DNAH5: variants seen among roughly 807,000 people sequenced by gnomAD.
DNAH5 encodes axonemal beta dynein heavy chain 5.
Under a neutral mutation model 518.2 loss-of-function variants are expected in DNAH5, and 372 were observed. The ratio of observed to expected loss-of-function variants is 0.72; its 90% confidence interval spans 0.66 to 0.78. The LOEUF is 0.78. DNAH5 is among the 30% of genes least tolerant of loss of function. DNAH5 has a pLI of 0.00. For missense variants in DNAH5, 5,523 were observed against 5,687.0 expected, an observed-to-expected ratio of 0.97 and a Z score of 0.93; for synonymous variants, 2,039 against 2,025.9, an observed-to-expected ratio of 1.01 and a Z score of -0.17.
chr5:13,710,460 C>A (rs1291619511), intron 75 of DNAH5, among the ~76,000 whole-genome samples: 1 of 151,880 alleles, frequency 6.6e-6, no homozygotes, highest in Non-Finnish European at 1.5e-5. Flanking sequence ...AAACTCAAAC[C>A]CAGCAGAAGA....
At chr5:13,994,715 C>T (rs973859671) in intron 1 of DNAH5, among the ~76,000 whole-genome samples, 2 of 152,266 alleles carry the variant, frequency 1.3e-5, no homozygotes, top group Admixed American at 1.3e-4. Context: ...AGATGAATGA[C>T]CTCAATTTGA....
intron 1 of DNAH5, among the ~76,000 whole-genome samples, chr5:13,974,300 T>C (rs1782085088): frequency 6.6e-6 from 1 of 151,956 alleles, no homozygotes; most frequent in South Asian, 2.1e-4. Flanking sequence ...ATTTTTTGTA[T>C]TTGTTGTAGA....
Position 13,839,529 on chromosome 5 carries a change from C to G in DNAH5, c.5710-1G>C. 1 of 1,612,806 alleles carries G rather than the reference C, an allele frequency of 6.2e-7. No individual in the cohort carries two copies. Among genetic ancestry groups the G allele is most frequent in the Non-Finnish European group, 8.5e-7 (1 of 1,179,100 alleles). ...TGGGACTCTTGATATGCATATGACA[C>G]TGAAATTCAAAAGGTATATGTTAGA... On this transcript the variant is annotated splice_acceptor_variant, in intron 34 of 78. Coordinates refer to ENST00000265104, the MANE Select transcript of DNAH5 (RefSeq NM_001369.3). LOFTEE classifies it high-confidence loss of function.
chr5:13,839,592 T>A, intron 34 of DNAH5, 64 bp from the exon 35 acceptor site: 1 of 1,346,550 alleles, frequency 7.4e-7, no homozygotes, highest in Non-Finnish European at 1.1e-6. Context: ...TACACGTTAT[T>A]AGCATTCATG....
chr5:13,692,872 G>T (rs1740886133), intron 78 of DNAH5, among the ~76,000 whole-genome samples: 1 of 152,186 alleles, frequency 6.6e-6, no homozygotes, highest in South Asian at 2.1e-4. Context: ...CCCATACTCA[G>T]AGACAGGTCC....
At chr5:13,975,711 C>T (rs1389364439) in intron 1 of DNAH5, among the ~76,000 whole-genome samples, 1 of 152,214 alleles carries the variant, frequency 6.6e-6, no homozygotes, top group East Asian at 1.9e-4. Flanking sequence ...GATTGGCTCA[C>T]TCAACATCCA....
rs560984049 is a variant in DNAH5, at chr5:13,795,363, G to A, written c.7888-1305C>T. On this transcript the variant is annotated intron_variant, in intron 47 of 78. Coordinates refer to ENST00000265104, the MANE Select transcript of DNAH5 (RefSeq NM_001369.3). ...ATAGATGCAATAAAAAATGATAAAGGGGATATCACCACCGATCCCACAGAA... is the reference window on the plus strand; with the variant it reads ...ATAGATGCAATAAAAAATGATAAAGAGGATATCACCACCGATCCCACAGAA... Among the ~76,000 whole-genome samples the A allele has an allele frequency of 4.6e-5, 7 of 151,978 alleles. No homozygotes were observed. In the East Asian group the frequency reaches 1.4e-3, roughly 29 times the overall value.
At chr5:14,007,637 C>T (rs1306276066) in intron 1 of DNAH5, among the ~76,000 whole-genome samples, 1 of 152,194 alleles carries the variant, frequency 6.6e-6, no homozygotes, top group African/African-American at 2.4e-5. Flanking sequence ...ACAGATTCCT[C>T]ATAAGAATCT....
chr5:13,717,355 T>G lies in DNAH5; in HGVS notation c.12665A>C (p.Gln4222Pro). Residue 4222 changes from glutamine to proline, a missense_variant, in exon 73 of 79, where the codon CAG (glutamine) becomes CCG (proline). By Grantham distance (76) the Gln-to-Pro change is moderately conservative. This residue lies in a region of DNAH5 where 5,121 missense variants were observed against 5,223.3 expected (regional missense o/e 0.98). Transcript: ENST00000265104. The part of the protein sequence containing the change: ...FNQADFNATV[Q>P]FIQNHLDDMD... ...GTCATCCAAGTGGTTTTGGATGAAC[T>G]GCACAGTGGCATTAAAGTCCGCTTG... The G allele has an allele frequency of 6.2e-7, 1 of 1,614,066 alleles. No individual in the cohort carries two copies. The highest frequency in any genetic ancestry group is 2.2e-5 in the East Asian group (1 of 44,826).
chr5:13,809,975 G>A, intron 45 of DNAH5, 84 bp downstream of exon 45: 1 of 1,326,832 alleles, frequency 7.5e-7, no homozygotes, highest in Non-Finnish European at 1.1e-6. Flanking sequence ...ATCTCATTTA[G>A]AAAAAATATA....
intron 13 of DNAH5, among the ~76,000 whole-genome samples, chr5:13,901,844 A>G (rs577170933): frequency 7.0e-4 from 107 of 152,288 alleles, no homozygotes; most frequent in African/African-American, 2.5e-3. Flanking sequence ...CAAAGCTAAG[A>G]GTATTCTCTA....
chr5:13,864,429 C>A lies in DNAH5; in HGVS notation c.4564G>T (p.Ala1522Ser). ...TCCTCTTTATATTTCAGAAGAGGTG[C>A]CTCCATGATATTTCTTAACTTAAAG... ...ESFKLRNIME[A>S]PLLKYKEEIE... Residue 1522 changes from alanine to serine, a missense_variant, in exon 28 of 79, where the codon GCA becomes TCA. Transcript: ENST00000265104. 6.2e-7 allele frequency: 1 copy of A among 1,614,048 alleles called. No individual in the cohort carries two copies. Among genetic ancestry groups the A allele is most frequent in the South Asian group, 1.1e-5 (1 of 91,078 alleles).
At position 13,891,075 on chromosome 5, in the gene DNAH5, G is replaced by A; in HGVS notation, c.2478C>T (p.Phe826=). ...TTTCTTCTAGAATGGCATCAATGCG[G>A]AACTCAATCAAATCATTGACCCTGT... ...LLDRVNDLIE[F]RIDAILEEMS... The change falls in exon 17 of 79, where the codon TTC becomes TTT. Residue 826 remains phenylalanine, a synonymous_variant. Coordinates refer to ENST00000265104, the MANE Select transcript of DNAH5 (RefSeq NM_001369.3). 6.2e-7 allele frequency: 1 copy of A among 1,614,062 alleles called. No individual in the cohort carries two copies. Among genetic ancestry groups the A allele is most frequent in the Non-Finnish European group, 8.5e-7 (1 of 1,179,980 alleles).
rs1750158402 is a variant in DNAH5, at chr5:13,751,164, C to A, written c.11125G>T (p.Ala3709Ser). 1 of 1,613,830 alleles carries A rather than the reference C, an allele frequency of 6.2e-7. No individual in the cohort carries two copies. Among genetic ancestry groups the A allele is most frequent in the Admixed American group, 1.7e-5 (1 of 59,966 alleles). ...GTGAAGTCAATGATGGAGGTACGGG[C>A]ACTTATCTCAGGGGTGTAGGCTGGG... The part of the protein sequence containing the change: ...PNPAYTPEIS[A>S]RTSIIDFTVT... Residue 3709 changes from alanine (A) to serine (S), a missense_variant, in exon 65 of 79, where the codon GCC becomes TCC. Physicochemically the swap from Ala to Ser is moderately conservative, Grantham distance 99. This residue lies in a region of DNAH5 where 5,121 missense variants were observed against 5,223.3 expected (regional missense o/e 0.98). Coordinates refer to ENST00000265104, the MANE Select transcript of DNAH5 (RefSeq NM_001369.3).
intron 1 of DNAH5, among the ~76,000 whole-genome samples, chr5:13,986,930 A>G (rs1783091566): frequency 6.6e-6 from 1 of 152,198 alleles, no homozygotes; most frequent in South Asian, 2.1e-4. Flanking sequence ...TCCCTGTTCC[A>G]CAAGACACTT....
chr5:13,831,676 C>T (rs967978087), intron 35 of DNAH5, among the ~76,000 whole-genome samples: 1 of 152,150 alleles, frequency 6.6e-6, no homozygotes, highest in Non-Finnish European at 1.5e-5. Context: ...TATGCAGAGT[C>T]TGGATACAGA....
At chr5:13,830,422 A>C (rs1413358124) in intron 36 of DNAH5, among the ~76,000 whole-genome samples, 175 bp downstream of exon 36, 1 of 152,160 alleles carries the variant, frequency 6.6e-6, no homozygotes. Context: ...TATCAAAAAA[A>C]AGTCAGGAGG....
In DNAH5 at chr5:13,701,357, A is replaced by G; in HGVS notation, c.13418T>C (p.Phe4473Ser). The G allele has an allele frequency of 1.2e-6, 2 of 1,614,170 alleles. No individual in the cohort carries two copies. Among genetic ancestry groups the G allele is most frequent in the Non-Finnish European group, 8.5e-7 (1 of 1,180,012 alleles). The change falls in exon 77 of 79, where the codon TTC becomes TCC. Residue 4473 changes from phenylalanine to serine, a missense_variant. Around this residue, in one of 3 missense-constraint regions of DNAH5, gnomAD observed 387 missense variants for 430.0 expected, o/e 0.90. Transcript: ENST00000265104. ...ERNSQFTSWVFNGRPHCFWMT... is the reference protein window; with the variant it reads ...ERNSQFTSWVSNGRPHCFWMT... ...CCAAAAGCAGTGAGGTCGGCCATTG[A>G]AAACCCACGAGGTAAACTGGCTGTT...
rs561190734 is a variant in DNAH5 at position 13,778,877 on chromosome 5, G to C, written c.8952-1522C>G. On this transcript the variant is annotated intron_variant, in intron 53 of 78. Coordinates refer to ENST00000265104, the MANE Select transcript of DNAH5 (RefSeq NM_001369.3). ...CTGGCCCTTCGTCTCATCAGTAATG[G>C]ATCATTCCCAGTATGACATGCAGAG... Among the ~76,000 whole-genome samples the C allele has an allele frequency of 4.6e-5, 7 of 152,326 alleles. No individual in the cohort carries two copies. In the East Asian group the frequency reaches 1.3e-3, roughly 29 times the overall value.
Sources: allele counts gnomAD v4.1 joint callset (sites outside exome capture counted in the v4.1 genomes callset), GRCh38; gene constraint gnomAD v4.1.1; regional missense constraint gnomAD v4.1.1; transcripts MANE v1.5; gene names NCBI Gene and HGNC (gene_info 2026-07-23, HGNC 2026-07-21).